PCDHA6: variants seen among roughly 807,000 people sequenced by gnomAD.
PCDHA6 encodes the protein protocadherin alpha 6.
A neutral mutation model predicts 60.3 loss-of-function variants in PCDHA6; 55 were observed. The observed-to-expected ratio is 0.91, with a 90% CI of 0.73 to 1.14. PCDHA6 has a LOEUF of 1.14. Ranked by LOEUF, PCDHA6 falls within the 50% of genes most tolerant of loss-of-function variation. PCDHA6 has a pLI of 0.00. For missense variants in PCDHA6, 1,327 were observed against 1,256.5 expected, an observed-to-expected ratio of 1.06 and a Z score of -0.85; for synonymous variants, 652 against 557.9, an observed-to-expected ratio of 1.17 and a Z score of -2.38.
In PCDHA6 at chr5:140,875,915, T is replaced by G. The variant is rs782225928; in HGVS notation, c.2394+45430T>G. On this transcript the variant is annotated intron_variant, in intron 1 of 3. Transcript: ENST00000529310. Reference sequence around the variant, plus strand: ...GTACCTGTTTCTGAATCTGCGCCTCTGGACTCTCATTTTCCTCTAGAGGGC... The same window carrying G: ...GTACCTGTTTCTGAATCTGCGCCTCGGGACTCTCATTTTCCTCTAGAGGGC... 3.7e-6 allele frequency: 6 copies of G among 1,614,096 alleles called. No homozygotes were observed. In the African/African-American group the frequency reaches 6.7e-5, roughly 18 times the overall value.
Position 140,966,227 on chromosome 5 carries a change from A to T in PCDHA6, c.2395-12722A>T, listed in dbSNP as rs556655692. The T allele has an allele frequency of 3.7e-5, 10 of 270,804 alleles. No individual in the cohort carries two copies. The South Asian group carries it at 1.7e-3, about 46-fold the overall frequency. 16.8% of individuals were successfully genotyped at this position (270,804 alleles called of 1,614,324 possible). On this transcript the variant is annotated intron_variant, in intron 1 of 3. Coordinates refer to ENST00000529310, the MANE Select transcript of PCDHA6 (RefSeq NM_018909.4). ...CTGCTTTTCCCAGACTAATCTCCTT[A>T]AAGACCCGTTAAGCAGGGGAGAGAC...
Position 140,843,706 on chromosome 5 carries a change from T to C in PCDHA6, c.2394+13221T>C, listed in dbSNP as rs147955219. 3.2e-6 allele frequency: 5 copies of C among 1,580,440 alleles called. No homozygotes were observed. In the East Asian group the frequency reaches 1.1e-4, roughly 35 times the overall value. On this transcript the variant is annotated intron_variant, in intron 1 of 3. Transcript: ENST00000529310. ...AAGAGCAAGATTTAAATGTTGATCA[T>C]GGCCTCAAAGTAAGTCCATTTAAAT...
chr5:140,891,235 G>T (rs186707439), intron 1 of PCDHA6, among the ~76,000 whole-genome samples: 48 of 152,092 alleles, frequency 3.2e-4, no homozygotes, highest in African/African-American at 1.1e-3. Flanking sequence ...TCCTGTTCTG[G>T]ATTCAGTAGG....
rs1554202869 is a variant in PCDHA6, at chr5:140,925,671, A to AATG, written c.2395-53276_2395-53275insGAT. Among the ~76,000 whole-genome samples the AATG allele has an allele frequency of 4.6e-4, 68 of 148,180 alleles. 1 individual carries two copies. The highest frequency in any genetic ancestry group is 1.6e-3 in the African/African-American group (66 of 40,022). On this transcript the variant is annotated intron_variant, in intron 1 of 3. Transcript: ENST00000529310. ...TAATAATAATAATAATAATAATAAT[A>AATG]ATAATAAAGCGAGGGTGGGTATCTA...
intron 1 of PCDHA6, among the ~76,000 whole-genome samples, chr5:140,941,460 C>T (rs530075226): frequency 4.6e-4 from 69 of 151,184 alleles, no homozygotes; most frequent in African/African-American, 1.6e-3. Context: ...GGATTACAGG[C>T]GCCCACCACC....
intron 1 of PCDHA6, chr5:140,877,601 T>A (rs2057236715): frequency 6.2e-7 from 1 of 1,613,744 alleles, no homozygotes; most frequent in Non-Finnish European, 8.5e-7. Flanking sequence ...GTGTCCAGCC[T>A]GCTGGTGCTC....
chr5:140,886,217 T>C (rs548266069), intron 1 of PCDHA6, among the ~76,000 whole-genome samples: 3 of 152,240 alleles, frequency 2.0e-5, no homozygotes, highest in African/African-American at 7.2e-5. Flanking sequence ...TTTCTCTAAT[T>C]TTGTTACTTT....
chr5:140,926,921 G>A (rs1554203799), intron 1 of PCDHA6: 3 of 1,571,110 alleles, frequency 1.9e-6, no homozygotes, highest in African/African-American at 2.7e-5. Flanking sequence ...GCAGTTTTAT[G>A]TTTGTGGGTT....
chr5:140,996,141 A>G (rs1238682290), intron 3 of PCDHA6, among the ~76,000 whole-genome samples: 1 of 152,182 alleles, frequency 6.6e-6, no homozygotes, highest in Admixed American at 6.5e-5. Context: ...TTCTCCCATT[A>G]TCTTGCCTTC....
At position 140,876,146 on chromosome 5, in the gene PCDHA6, C is replaced by G. The variant is rs75398909; in HGVS notation, c.2394+45661C>G. The G allele has an allele frequency of 1.6e-3, 2,650 of 1,613,952 alleles. 40 individuals carry two copies. In the African/African-American group the frequency reaches 0.028, roughly 17 times the overall value. ...GGCGGTAAACCAGAACTAACAGGGT[C>G]TGTCCAGATTCAAATAACCGTCCTG... On this transcript the variant is annotated intron_variant, in intron 1 of 3. Coordinates refer to ENST00000529310, the MANE Select transcript of PCDHA6 (RefSeq NM_018909.4).
chr5:140,870,975 G>A, intron 1 of PCDHA6: 1 of 1,613,610 alleles, frequency 6.2e-7, no homozygotes, highest in Non-Finnish European at 8.5e-7. Context: ...TCCGCGTGGG[G>A]CTGTACACGG....
chr5:140,975,811 A>G (rs2096684538), intron 1 of PCDHA6, among the ~76,000 whole-genome samples: 3 of 134,728 alleles, frequency 2.2e-5, no homozygotes, highest in Non-Finnish European at 5.2e-5. Context: ...TATAATTTTA[A>G]TAGGAACTGA....
chr5:140,858,142 G>A lies in PCDHA6; in HGVS notation c.2394+27657G>A, dbSNP rs782422253. 2.5e-6 allele frequency: 4 copies of A among 1,597,702 alleles called. No individual in the cohort carries two copies. The South Asian group carries it at 3.3e-5, about 13-fold the overall frequency. On this transcript the variant is annotated intron_variant, in intron 1 of 3. Transcript: ENST00000529310. The stretch of plus-strand genomic sequence containing the variant: ...CCCTGGTGGATGTCAACGTGTACCT[G>A]ATCATCGCCATCTGCGCGGTGTCCA...
At chr5:140,965,657 T>TA (rs2095920205) in intron 1 of PCDHA6, among the ~76,000 whole-genome samples, 2 of 152,196 alleles carry the variant, frequency 1.3e-5, no homozygotes, top group Non-Finnish European at 2.9e-5. Context: ...AGAAAATGTC[T>TA]TGGGTGATAA....
intron 1 of PCDHA6, chr5:140,851,035 A>G: frequency 7.1e-7 from 1 of 1,400,972 alleles, no homozygotes; most frequent in Non-Finnish European, 9.4e-7. Context: ...ACCCCTTAAC[A>G]TTGGAGCCGA....
chr5:140,941,214 C>CCTTTCTTT lies in PCDHA6; in HGVS notation c.2395-37700_2395-37693dup, dbSNP rs60032403. On this transcript the variant is annotated intron_variant, in intron 1 of 3. Coordinates refer to ENST00000529310, the MANE Select transcript of PCDHA6 (RefSeq NM_018909.4). ...TTTTTTCTTTCTTCCTTTCTTTCTTCCTTTCTTTCTTTCTTTCTTTCTTTC... is the reference window on the plus strand; with the variant it reads ...TTTTTTCTTTCTTCCTTTCTTTCTTCCTTTCTTTCTTTCTTTCTTTCTTTCTTTCTTTC... Among the ~76,000 whole-genome samples, 464 of 122,456 alleles carry CCTTTCTTT rather than the reference C, an allele frequency of 3.8e-3. 7 individuals are homozygous for CCTTTCTTT. The highest frequency in any genetic ancestry group is 0.025 in the Middle Eastern group (6 of 238). 80.3% of individuals were successfully genotyped at this position (122,456 alleles called of 152,430 possible).
intron 1 of PCDHA6, among the ~76,000 whole-genome samples, chr5:140,895,800 T>C (rs1352398048): frequency 6.6e-6 from 1 of 152,182 alleles, no homozygotes; most frequent in Non-Finnish European, 1.5e-5. Context: ...ATATGTACAA[T>C]ACTGTATTGT....
At chr5:140,939,243 T>C (rs1414943094) in intron 1 of PCDHA6, among the ~76,000 whole-genome samples, 1 of 152,168 alleles carries the variant, frequency 6.6e-6, no homozygotes, top group Non-Finnish European at 1.5e-5. Context: ...AGGAGCAAGG[T>C]AGCTCTCTGG....
chr5:140,928,694 C>T, intron 1 of PCDHA6: 1 of 1,614,166 alleles, frequency 6.2e-7, no homozygotes, highest in South Asian at 1.1e-5. Flanking sequence ...TACCACATCT[C>T]CCGGGCGTCT....
Sources: gnomAD v4.1 joint callset for allele counts (sites outside exome capture counted in the v4.1 genomes callset) on GRCh38, gnomAD v4.1.1 for gene constraint, MANE v1.5 for transcripts, NCBI Gene and HGNC (gene_info 2026-07-23, HGNC 2026-07-21) for gene names.